Variants in FOXP1 observed in about 807,000 individuals in gnomAD.
FOXP1 encodes the protein forkhead box protein P1.
Under a neutral mutation model 98.2 loss-of-function variants are expected in FOXP1, and 15 were observed. That is an observed-to-expected ratio of 0.15 (90% CI 0.10 to 0.24). The LOEUF is 0.24. FOXP1 is among the 10% of genes least tolerant of loss of function. FOXP1 has a pLI of 1.00. For missense variants in FOXP1, 633 were observed against 848.5 expected (o/e 0.75, Z 3.15); for synonymous variants, 371 against 314.5 (o/e 1.18, Z -1.90).
At chr3:71,518,970 G>T (rs180922466) in intron 2 of FOXP1, among the ~76,000 whole-genome samples, 43 of 152,366 alleles carry the variant, frequency 2.8e-4, no homozygotes, top group African/African-American at 9.6e-4. Flanking sequence ...GTGAGGCCAG[G>T]TGCGGTGGCT....
intron 7 of FOXP1, among the ~76,000 whole-genome samples, chr3:71,086,146 C>T (rs544736231): frequency 6.6e-6 from 1 of 152,194 alleles, no homozygotes; most frequent in Non-Finnish European, 1.5e-5. Flanking sequence ...GATGACATGG[C>T]TGAAAATTCT....
intron 13 of FOXP1, among the ~76,000 whole-genome samples, chr3:70,990,456 G>A (rs1188498205): frequency 6.6e-6 from 1 of 151,952 alleles, no homozygotes; most frequent in Non-Finnish European, 1.5e-5. Context: ...ATCATCCCAT[G>A]AGCTCACCAT....
chr3:70,973,685 T>C (rs2036839957), intron 17 of FOXP1, among the ~76,000 whole-genome samples: 1 of 152,172 alleles, frequency 6.6e-6, no homozygotes, highest in Non-Finnish European at 1.5e-5. Context: ...TCAGGTCATT[T>C]ACTTAAAATT....
intron 2 of FOXP1, among the ~76,000 whole-genome samples, chr3:71,526,471 G>A (rs1165767592): frequency 6.6e-6 from 1 of 152,172 alleles, no homozygotes; most frequent in East Asian, 1.9e-4. Context: ...AACCTGCAAG[G>A]AATAAAAACT....
intron 3 of FOXP1, among the ~76,000 whole-genome samples, chr3:71,422,857 C>T (rs2083771074): frequency 6.6e-6 from 1 of 152,090 alleles, no homozygotes; most frequent in Non-Finnish European, 1.5e-5. Context: ...TGGGTACACA[C>T]ACACACAAGC....
intron 12 of FOXP1, 130 bp from the exon 13 acceptor site, chr3:71,001,189 C>T: frequency 1.4e-6 from 1 of 697,956 alleles, no homozygotes. Flanking sequence ...AGGGGGTGGC[C>T]TGTCCTTTCC....
At chr3:71,405,224 C>T (rs576694698) in intron 3 of FOXP1, among the ~76,000 whole-genome samples, 185 of 152,274 alleles carry the variant, frequency 1.2e-3, no homozygotes, top group Non-Finnish European at 2.1e-3. Flanking sequence ...GAGTGGTTGG[C>T]CTTTTCTGAT....
chr3:71,450,343 C>T (rs544470511), intron 3 of FOXP1, among the ~76,000 whole-genome samples: 22 of 152,270 alleles, frequency 1.4e-4, no homozygotes, highest in African/African-American at 5.1e-4. Flanking sequence ...AGGAATGGGA[C>T]GACAATGAAC....
At chr3:71,568,881 A>G (rs2047118848) in intron 2 of FOXP1, among the ~76,000 whole-genome samples, 1 of 152,144 alleles carries the variant, frequency 6.6e-6, no homozygotes, top group African/African-American at 2.4e-5. Flanking sequence ...TCCTGACCTC[A>G]GGTGATCCAC....
intron 3 of FOXP1, among the ~76,000 whole-genome samples, chr3:71,409,590 GAA>G (rs113333779): frequency 0.02 from 2,855 of 145,794 alleles, 88 homozygotes; most frequent in African/African-American, 0.068. Context: ...ATTTACTTTG[GAA>G]AAAAAAAAAA....
chr3:71,232,877 C>CTAAAAAAAAA (rs1553791711), intron 5 of FOXP1, among the ~76,000 whole-genome samples: 1 of 31,422 alleles, frequency 3.2e-5, no homozygotes. Flanking sequence ...AACTCTGTCT[C>CTAAAAAAAAA]AAAAAAAAAA....
rs576150852 is a variant in FOXP1 at position 70,959,236 on chromosome 3, C to T, written c.*11G>A. 61 of 1,613,272 alleles carry T rather than the reference C, an allele frequency of 3.8e-5. No homozygotes were observed. Among genetic ancestry groups the T allele is most frequent in the African/African-American group, 1.1e-4 (8 of 74,786 alleles). ...CCAATCTTCATTCTCGGGGTTGGCC[C>T]GCCCCGATAGTCACTCCATGTCCTC... On this transcript the variant is annotated 3_prime_UTR_variant, in exon 21 of 21. Transcript: ENST00000649528.
intron 3 of FOXP1, among the ~76,000 whole-genome samples, chr3:71,399,488 C>T (rs2081801600): frequency 6.6e-6 from 1 of 152,220 alleles, no homozygotes; most frequent in East Asian, 1.9e-4. Context: ...TTTGGGTATA[C>T]CTGAAGTTCT....
At chr3:71,574,797 T>C (rs947015986) in intron 2 of FOXP1, among the ~76,000 whole-genome samples, 1 of 152,196 alleles carries the variant, frequency 6.6e-6, no homozygotes, top group Admixed American at 6.5e-5. Context: ...TTATCTGATA[T>C]TGACATTTGG....
At chr3:71,268,231 T>C (rs1050499162) in intron 5 of FOXP1, among the ~76,000 whole-genome samples, 9 of 151,298 alleles carry the variant, frequency 5.9e-5, no homozygotes, top group East Asian at 2.0e-4. Flanking sequence ...GCTGGGACTA[T>C]AGGCGCCCGC....
At chr3:71,505,766 A>G (rs1250956234) in intron 2 of FOXP1, among the ~76,000 whole-genome samples, 3 of 151,962 alleles carry the variant, frequency 2.0e-5, no homozygotes, top group Non-Finnish European at 4.4e-5. Flanking sequence ...GTCTCCCTTC[A>G]ATTCTCCCAT....
chr3:71,019,817 A>G (rs2045134063), intron 11 of FOXP1, among the ~76,000 whole-genome samples: 1 of 150,672 alleles, frequency 6.6e-6, no homozygotes, highest in Non-Finnish European at 1.5e-5. Context: ...GCGACAGATG[A>G]CAGAGCGAGA....
At chr3:71,187,110 T>C (rs1386067749) in intron 6 of FOXP1, among the ~76,000 whole-genome samples, 2 of 152,202 alleles carry the variant, frequency 1.3e-5, no homozygotes, top group Non-Finnish European at 2.9e-5. Context: ...TATAGTGCCT[T>C]ATACCTAGCC....
intron 7 of FOXP1, among the ~76,000 whole-genome samples, chr3:71,099,715 G>A (rs2056792885): frequency 2.0e-5 from 3 of 152,136 alleles, no homozygotes; most frequent in Admixed American, 2.0e-4. Flanking sequence ...GTGGTACCGG[G>A]ACTATAACCT....
Sources: gnomAD v4.1 joint callset for allele counts (sites outside exome capture counted in the v4.1 genomes callset) on GRCh38, gnomAD v4.1.1 for gene constraint, MANE v1.5 for transcripts, NCBI Gene and HGNC (gene_info 2026-07-23, HGNC 2026-07-21) for gene names.